Variants in RBFOX1 observed in about 807,000 individuals in gnomAD.
RBFOX1 encodes the protein RNA binding fox-1 homolog 1.
RBFOX1 carries 8 observed loss-of-function variants against 57.7 expected under a neutral mutation model. The ratio of observed to expected loss-of-function variants is 0.14; its 90% CI spans 0.08 to 0.25. The LOEUF is 0.25. Ranked by LOEUF, RBFOX1 falls within the 10% of genes least tolerant of loss-of-function variation. The pLI is 1.00. For synonymous variants in RBFOX1, 326 were observed against 222.4 expected (o/e 1.47, Z -4.15); for missense variants, 611 against 548.5 (o/e 1.11, Z -1.14).
intron 5 of RBFOX1, among the ~76,000 whole-genome samples, chr16:7,522,881 T>C (rs934679249): frequency 6.6e-5 from 10 of 152,218 alleles, no homozygotes; most frequent in Non-Finnish European, 1.0e-4. Context: ...AAGTATACAC[T>C]TTGATACATT....
At chr16:7,518,814 G>A (rs1471121732) in intron 5 of RBFOX1, among the ~76,000 whole-genome samples, 1 of 152,138 alleles carries the variant, frequency 6.6e-6, no homozygotes, top group Admixed American at 6.5e-5. Context: ...TTTGAAGACA[G>A]GAGTTCGAGA....
At chr16:6,564,081 A>G (rs890705338) in intron 2 of RBFOX1, among the ~76,000 whole-genome samples, 13 of 151,890 alleles carry the variant, frequency 8.6e-5, no homozygotes, top group Non-Finnish European at 8.8e-5. Flanking sequence ...TAACCTCACA[A>G]TCACTTCTGG....
chr16:6,067,669 T>C (rs925020781), intron 1 of RBFOX1, among the ~76,000 whole-genome samples: 1 of 152,184 alleles, frequency 6.6e-6, no homozygotes, highest in Non-Finnish European at 1.5e-5. Context: ...GAAGGAATTA[T>C]CTGCAAAGGG....
chr16:5,493,174 C>G (rs141010923), intron 2 of RBFOX1, among the ~76,000 whole-genome samples: 25 of 152,324 alleles, frequency 1.6e-4, no homozygotes, highest in African/African-American at 5.8e-4. Flanking sequence ...AAACTCAGAT[C>G]CCGAAGACAT....
chr16:6,762,301 C>G (rs907664723), intron 3 of RBFOX1, among the ~76,000 whole-genome samples: 1 of 152,104 alleles, frequency 6.6e-6, no homozygotes, highest in Admixed American at 6.6e-5. Flanking sequence ...AAAATACTGA[C>G]TTTTGGTCTT....
intron 3 of RBFOX1, among the ~76,000 whole-genome samples, chr16:6,833,544 T>A (rs993791703): frequency 7.2e-5 from 11 of 152,300 alleles, no homozygotes; most frequent in African/African-American, 2.4e-4. Flanking sequence ...CCTGGCCAGC[T>A]ACTCTCTGAC....
At chr16:6,393,718 C>G (rs746167015) in intron 2 of RBFOX1, among the ~76,000 whole-genome samples, 5 of 152,202 alleles carry the variant, frequency 3.3e-5, no homozygotes, top group Non-Finnish European at 7.3e-5. Flanking sequence ...ACACACAACA[C>G]TTTTCTTTAA....
chr16:7,280,005 C>G (rs551009113), intron 4 of RBFOX1, among the ~76,000 whole-genome samples: 8 of 152,276 alleles, frequency 5.3e-5, no homozygotes, highest in Admixed American at 3.9e-4. Context: ...GACTCCATGG[C>G]CAGCGCCACA....
chr16:6,516,672 C>T lies in RBFOX1; in HGVS notation c.-63-137931C>T, dbSNP rs117846996. ...GACAATCTGTTGATTGTCAAGATTT[C>T]AGTAACATCACCAATTATTCGTGGT... On this transcript the variant is annotated intron_variant, in intron 2 of 15. Transcript: ENST00000550418. Among the ~76,000 whole-genome samples the T allele has an allele frequency of 4.9e-3, 751 of 152,250 alleles. 21 individuals carry two copies. In the East Asian group the frequency reaches 0.095, roughly 19 times the overall value.
intron 3 of RBFOX1, among the ~76,000 whole-genome samples, chr16:5,865,684 T>C (rs1374497257): frequency 6.6e-6 from 1 of 152,146 alleles, no homozygotes; most frequent in Non-Finnish European, 1.5e-5. Flanking sequence ...GGATTCACAT[T>C]TGTGAGCTGG....
intron 4 of RBFOX1, among the ~76,000 whole-genome samples, chr16:7,369,170 A>G (rs975617132): frequency 2.6e-5 from 4 of 152,132 alleles, no homozygotes; most frequent in African/African-American, 9.7e-5. Flanking sequence ...TCTGCTTAAT[A>G]TAGGAGATTG....
intron 2 of RBFOX1, among the ~76,000 whole-genome samples, chr16:6,607,417 CCTCTCTCT>C (rs58726712): frequency 6.9e-6 from 1 of 143,936 alleles, no homozygotes; most frequent in East Asian, 2.0e-4. Context: ...CAGTCTCTCT[CCTCTCTCT>C]CTCTCTCTCT....
intron 3 of RBFOX1, among the ~76,000 whole-genome samples, chr16:7,002,248 G>C (rs1022871130): frequency 6.6e-6 from 1 of 152,192 alleles, no homozygotes; most frequent in African/African-American, 2.4e-5. Context: ...ATACAGCGGT[G>C]CATGAAGTTA....
intron 2 of RBFOX1, among the ~76,000 whole-genome samples, chr16:6,448,885 T>G (rs755553432): frequency 7.2e-5 from 11 of 152,146 alleles, no homozygotes; most frequent in Non-Finnish European, 1.5e-4. Flanking sequence ...AGTTGAGAGA[T>G]AGCAGCCATT....
Position 6,785,016 on chromosome 16 carries a change from T to C in RBFOX1, c.-16+130366T>C, listed in dbSNP as rs549653540. ...ATGGTTGGCATTGACATTGATTTGT[T>C]GCACTTCTGAGTGAAAAAAAATAGG... On this transcript the variant is annotated intron_variant, in intron 3 of 15. Transcript: ENST00000550418. 3.3e-5 allele frequency among the ~76,000 whole-genome samples: 5 copies of C among 152,200 alleles called. 1 individual carries two copies. The South Asian group carries it at 1.0e-3, about 32-fold the overall frequency.
intron 2 of RBFOX1, among the ~76,000 whole-genome samples, chr16:6,562,006 T>C (rs1245871125): frequency 3.3e-5 from 5 of 152,006 alleles, no homozygotes; most frequent in African/African-American, 1.2e-4. Flanking sequence ...GTAGAGATCA[T>C]TATGAGGCCA....
At chr16:7,679,504 C>T (rs2074208500) in intron 14 of RBFOX1, among the ~76,000 whole-genome samples, 1 of 152,164 alleles carries the variant, frequency 6.6e-6, no homozygotes, top group Non-Finnish European at 1.5e-5. Flanking sequence ...GTCAGTTGAT[C>T]AAAAGAGAAA....
chr16:6,905,207 C>T (rs112678300), intron 3 of RBFOX1, among the ~76,000 whole-genome samples: 1 of 151,858 alleles, frequency 6.6e-6, no homozygotes, highest in East Asian at 1.9e-4. Flanking sequence ...ACACTTGTTC[C>T]TTAGCCCTTT....
chr16:5,889,249 C>A (rs1334819059), intron 4 of RBFOX1, among the ~76,000 whole-genome samples: 1 of 152,264 alleles, frequency 6.6e-6, no homozygotes, highest in East Asian at 1.9e-4. Flanking sequence ...CCCACACTCT[C>A]CGGCAGTGTG....
Sources: gnomAD v4.1 joint callset for allele counts (sites outside exome capture counted in the v4.1 genomes callset) on GRCh38, gnomAD v4.1.1 for gene constraint, MANE v1.5 for transcripts, NCBI Gene and HGNC (gene_info 2026-07-23, HGNC 2026-07-21) for gene names.